NLRP7: variants seen among roughly 807,000 people sequenced by gnomAD.
NLRP7 encodes NLR family pyrin domain containing 7, also known as NACHT, LRR and PYD domains-containing protein 7.
Under a neutral mutation model 85.5 loss-of-function variants are expected in NLRP7, and 72 were observed. That is an observed-to-expected ratio of 0.84 (90% CI 0.70 to 1.02). NLRP7 has a LOEUF of 1.02. NLRP7 is among the 50% of genes least tolerant of loss of function. The pLI, the probability that NLRP7 is intolerant of heterozygous loss-of-function variation, is 0.00. For synonymous variants in NLRP7, 550 were observed against 505.2 expected (o/e 1.09, Z -1.19); for missense variants, 1,243 against 1,219.5 (o/e 1.02, Z -0.29).
chr19:54,954,598 A>G (rs942519783), intron 1 of NLRP7, among the ~76,000 whole-genome samples: 5 of 151,422 alleles, frequency 3.3e-5, no homozygotes, highest in African/African-American at 1.2e-4. Context: ...TAATCCCAAC[A>G]CTTTGGGAGG....
chr19:54,948,572 T>C (rs1210263919), upstream of NLRP7, among the ~76,000 whole-genome samples: 3 of 151,620 alleles, frequency 2.0e-5, no homozygotes, highest in Non-Finnish European at 2.9e-5. Flanking sequence ...AGATAACTGA[T>C]ATTTAATTTT....
rs104895526 is a variant in NLRP7 at position 54,936,405 on chromosome 19, G to A, written c.2156C>T (p.Ala719Val). The stretch of plus-strand genomic sequence containing the variant: ...GAAAGCAAGACAGAAGTCCCGGTAC[G>A]CGGTGTCAGGGGTGACGTTTTTAAT... The change falls in exon 6 of 10, where the codon GCG becomes GTG. Residue 719 changes from alanine to valine, a missense_variant. Around this residue, in one of 3 missense-constraint regions of NLRP7, gnomAD observed 613 missense variants for 588.4 expected, o/e 1.04. Transcript: ENST00000340844. The A allele has an allele frequency of 1.1e-3, 1,836 of 1,614,074 alleles. 5 individuals carry two copies. In the Middle Eastern group the frequency reaches 0.016, roughly 14 times the overall value.
At chr19:54,950,122 G>C (rs2069622036), upstream of NLRP7, among the ~76,000 whole-genome samples, 2 of 151,634 alleles carry the variant, frequency 1.3e-5, no homozygotes, top group Middle Eastern at 3.4e-3. Context: ...AACCAGGAAA[G>C]AGTTCAGAAG....
At chr19:54,923,823 C>A in exon 10 of NLRP7, 1 of 1,614,038 alleles carries the variant, frequency 6.2e-7, no homozygotes, top group East Asian at 2.2e-5. Context: ...TTTTCTTTCA[C>A]TTCCTCCAAC....
At chr19:54,956,543 A>G (rs1419937314) in intron 1 of NLRP7, among the ~76,000 whole-genome samples, 1 of 151,804 alleles carries the variant, frequency 6.6e-6, no homozygotes, top group African/African-American at 2.4e-5. Flanking sequence ...AAAATACAAA[A>G]ATTAGCTGGG....
chr19:54,962,757 G>A (rs948965579), intron 1 of NLRP7, among the ~76,000 whole-genome samples: 13 of 149,936 alleles, frequency 8.7e-5, no homozygotes, highest in Admixed American at 1.3e-4. Context: ...CCGCCACCAC[G>A]CCCGGCTAAT....
chr19:54,952,821 C>G (rs1309022678), intron 1 of NLRP7, among the ~76,000 whole-genome samples: 1 of 152,030 alleles, frequency 6.6e-6, no homozygotes, highest in East Asian at 1.9e-4. Context: ...CTGAGACCTA[C>G]CGGGCTGCAT....
At chr19:54,944,538 C>T (rs978883653) in intron 1 of NLRP7, among the ~76,000 whole-genome samples, 5 of 151,652 alleles carry the variant, frequency 3.3e-5, no homozygotes, top group African/African-American at 9.7e-5. Context: ...GAGACCCGGC[C>T]GGCGCGGGTC....
chr19:54,934,400 C>A lies in NLRP7; in HGVS notation c.2471+89G>T. On this transcript the variant is annotated intron_variant, in intron 7 of 9. Coordinates refer to ENST00000340844, the Ensembl canonical transcript of NLRP7. The surrounding 1 kb of genome is among the most constrained non-coding windows in gnomAD (Gnocchi z 6.7). ...GTGTTTATTTCAGCAAGAGGCGCCA[C>A]GTGGGTGGCGCAGTAAGTCAGGTGT... is the stretch of plus-strand genomic sequence containing the variant. 1 of 1,352,336 alleles carries A rather than the reference C, an allele frequency of 7.4e-7. No homozygotes were observed. The highest frequency in any genetic ancestry group is 1.1e-6 in the Non-Finnish European group (1 of 941,418). 83.8% of individuals were successfully genotyped at this position (1,352,336 alleles called of 1,614,324 possible). A position where few individuals can be genotyped will look rare whatever the true frequency, so the allele number is the denominator to read the frequency against.
At chr19:54,950,374 A>G (rs2146264198), upstream of NLRP7, among the ~76,000 whole-genome samples, 1 of 152,336 alleles carries the variant, frequency 6.6e-6, no homozygotes, top group East Asian at 1.9e-4. Context: ...GACAAAGTAT[A>G]GAGAAAGAAA....
chr19:54,962,725 G>T (rs914204392), intron 1 of NLRP7, among the ~76,000 whole-genome samples: 1 of 149,970 alleles, frequency 6.7e-6, no homozygotes, highest in Non-Finnish European at 1.5e-5. Context: ...TCAGCCTCCC[G>T]AGTAGCTGGG....
rs920573335 is a variant in NLRP7 at position 54,932,113 on chromosome 19, T to C, written c.2643-1447A>G. ...AGGTACACTTCGTATAACGATCAGG[T>C]AGGTGACTGTTTGTTTAACAATAGT... On this transcript the variant is annotated intron_variant, in intron 8 of 9. Transcript: ENST00000340844. Among the ~76,000 whole-genome samples the C allele has an allele frequency of 1.1e-4, 16 of 152,144 alleles. 1 individual carries two copies. The highest frequency in any genetic ancestry group is 8.5e-4 in the Admixed American group (13 of 15,250).
chr19:54,962,766 A>T (rs1157845652), intron 1 of NLRP7, among the ~76,000 whole-genome samples: 3 of 147,754 alleles, frequency 2.0e-5, no homozygotes, highest in South Asian at 2.2e-4. Flanking sequence ...CGCCCGGCTA[A>T]TTTTTTGTAT....
exon 2 of NLRP7, chr19:54,941,457 C>A (rs2069220415): frequency 1.2e-6 from 2 of 1,606,564 alleles, no homozygotes; most frequent in Non-Finnish European, 1.7e-6. Context: ...CCTTTGCCAT[C>A]TTACACAATT....
intron 9 of NLRP7, among the ~76,000 whole-genome samples, chr19:54,926,327 A>C (rs1398792613): frequency 1.3e-5 from 2 of 152,150 alleles, no homozygotes; most frequent in Non-Finnish European, 2.9e-5. Context: ...AAAGTTGGAC[A>C]ATATTCAATT....
At position 54,934,398 on chromosome 19, in the gene NLRP7, CACGTGGGTGGCG is replaced by C. The variant is rs2068806116; in HGVS notation, c.2471+79_2471+90del. 1.5e-6 allele frequency: 2 copies of C among 1,327,318 alleles called. No individual in the cohort carries two copies. Among genetic ancestry groups the C allele is most frequent in the South Asian group, 2.3e-5 (2 of 85,474 alleles). The allele number at this position is 1,327,318 out of a possible 1,614,324, so 82.2% of individuals were successfully genotyped here. On this transcript the variant is annotated intron_variant, in intron 7 of 9. Coordinates refer to ENST00000340844, the Ensembl canonical transcript of NLRP7. The surrounding 1 kb of genome is among the most constrained non-coding windows in gnomAD (Gnocchi z 6.7). Reference sequence around the variant, plus strand: ...AGGTGTTTATTTCAGCAAGAGGCGCCACGTGGGTGGCGCAGTAAGTCAGGTGTTACCCTTTCT... The same window carrying C: ...AGGTGTTTATTTCAGCAAGAGGCGCCCAGTAAGTCAGGTGTTACCCTTTCT...
intron 9 of NLRP7, among the ~76,000 whole-genome samples, chr19:54,925,256 C>T (rs1446466214): frequency 1.3e-5 from 2 of 152,114 alleles, no homozygotes; most frequent in East Asian, 3.9e-4. Context: ...ACCAATAGTC[C>T]TTGGTGGCAT....
intron 1 of NLRP7, among the ~76,000 whole-genome samples, chr19:54,947,112 G>A (rs2069508156): frequency 6.6e-6 from 1 of 152,074 alleles, no homozygotes; most frequent in Non-Finnish European, 1.5e-5. Context: ...ATTACCTAAA[G>A]TCAGGAGTTC....
At chr19:54,939,279 C>A (rs758296123) in exon 4 of NLRP7, 4 of 1,613,986 alleles carry the variant, frequency 2.5e-6, no homozygotes, top group Non-Finnish European at 3.4e-6. Flanking sequence ...TGAATCAGGT[C>A]GGGGTTCTTG....
Sources: allele counts gnomAD v4.1 joint callset (sites outside exome capture counted in the v4.1 genomes callset), GRCh38; gene constraint gnomAD v4.1.1; regional missense constraint gnomAD v4.1.1; non-coding constraint Gnocchi (gnomAD v3.1); transcripts MANE v1.5; gene names NCBI Gene and HGNC (gene_info 2026-07-23, HGNC 2026-07-21).